LNPEP: variants seen among roughly 807,000 people sequenced by gnomAD.
LNPEP encodes the protein leucyl-cystinyl aminopeptidase.
LNPEP carries 64 observed loss-of-function variants against 120.6 expected under a neutral mutation model. That is an observed-to-expected ratio of 0.53 (90% CI 0.43 to 0.65). The LOEUF is 0.65. Among genes scored for constraint, LNPEP ranks in the 30% least tolerant of loss-of-function variants. The pLI, the probability that LNPEP is intolerant of heterozygous loss-of-function variation, is 0.00. For missense variants in LNPEP, 1,057 were observed against 1,200.0 expected (o/e 0.88, Z 1.76); for synonymous variants, 435 against 425.4 (o/e 1.02, Z -0.28).
intron 1 of LNPEP, among the ~76,000 whole-genome samples, chr5:96,952,722 C>T (rs912582685): frequency 6.6e-6 from 1 of 152,100 alleles, no homozygotes; most frequent in Admixed American, 6.5e-5. Context: ...ATTTTTATCC[C>T]CATTTTTTTT....
In LNPEP at chr5:96,991,202, C is replaced by T. The variant is rs542978471; in HGVS notation, c.1132-1813C>T. 2.2e-4 allele frequency among the ~76,000 whole-genome samples: 34 copies of T among 152,288 alleles called. 1 individual carries two copies. Among genetic ancestry groups the T allele is most frequent in the African/African-American group, 7.0e-4 (29 of 41,568 alleles). The stretch of plus-strand genomic sequence containing the variant: ...CCTGAGTTACTTTACTTAGAATAAT[C>T]GTCCCCAATTCCATCCAGGTTGCTG... On this transcript the variant is annotated intron_variant, in intron 4 of 17. Coordinates refer to ENST00000231368, the MANE Select transcript of LNPEP (RefSeq NM_005575.3).
chr5:96,939,960 A>T (rs1038076994), intron 1 of LNPEP, among the ~76,000 whole-genome samples: 6 of 152,208 alleles, frequency 3.9e-5, no homozygotes, highest in Non-Finnish European at 8.8e-5. Flanking sequence ...ATAAATTTCC[A>T]CATTGAAAGA....
chr5:96,936,100 C>A lies in LNPEP; in HGVS notation c.-56C>A. ...TGCTCAGTCAGCTGGGCCGCCTCAG[C>A]TCTCGGAGTAGGAAGCTCGGGCGCT... On this transcript the variant is annotated 5_prime_UTR_variant, in exon 1 of 18. Coordinates refer to ENST00000231368, the MANE Select transcript of LNPEP (RefSeq NM_005575.3). The A allele has an allele frequency of 6.6e-7, 1 of 1,514,010 alleles. No individual in the cohort carries two copies. The highest frequency in any genetic ancestry group is 1.2e-5 in the South Asian group (1 of 82,648). The allele number at this position is 1,514,010 out of a possible 1,614,324, so 93.8% of individuals were successfully genotyped here.
intron 14 of LNPEP, 88 bp from the exon 15 acceptor site, chr5:97,024,433 A>G: frequency 8.0e-7 from 1 of 1,247,242 alleles, no homozygotes; most frequent in East Asian, 2.3e-5. Flanking sequence ...ACCAACCCTC[A>G]CACCAGAAAC....
At chr5:97,017,770 A>T (rs780844018) in intron 13 of LNPEP, among the ~76,000 whole-genome samples, 4 of 152,166 alleles carry the variant, frequency 2.6e-5, no homozygotes, top group Non-Finnish European at 5.9e-5. Context: ...TGCAAACTTG[A>T]TGTCTTAAAA....
chr5:97,005,505 A>T (rs1790758470), intron 9 of LNPEP, among the ~76,000 whole-genome samples: 1 of 152,140 alleles, frequency 6.6e-6, no homozygotes, highest in East Asian at 1.9e-4. Flanking sequence ...TTCTAGAAAG[A>T]CTTAAGGCAA....
intron 1 of LNPEP, among the ~76,000 whole-genome samples, chr5:96,977,819 T>C (rs768775267): frequency 7.2e-5 from 11 of 152,168 alleles, no homozygotes; most frequent in Non-Finnish European, 1.3e-4. Flanking sequence ...AGCAACTTCA[T>C]TGCCAGGTAT....
Position 97,031,925 on chromosome 5 carries a change from G to A in LNPEP, c.*3392G>A, listed in dbSNP as rs1161336287. 1 of 152,058 alleles carries A rather than the reference G, an allele frequency of 6.6e-6. No individual in the cohort carries two copies. The highest frequency in any genetic ancestry group is 2.4e-5 in the African/African-American group (1 of 41,414). The allele number at this position is 152,058 out of a possible 1,614,324, so 9.4% of individuals were successfully genotyped here. On this transcript the variant is annotated 3_prime_UTR_variant, in exon 18 of 18. Transcript: ENST00000231368. ...AAAAAAAGAGTTAAGTGTTGATTTTGTTGGATTACTGACAGTTTGTTGAGA... is the reference window on the plus strand; with the variant it reads ...AAAAAAAGAGTTAAGTGTTGATTTTATTGGATTACTGACAGTTTGTTGAGA...
chr5:97,027,949 A>G, intron 17 of LNPEP, 135 bp downstream of exon 17: 1 of 633,168 alleles, frequency 1.6e-6, no homozygotes, highest in African/African-American at 1.8e-5. Context: ...ATCAGTACTA[A>G]TGATTCTGCA....
chr5:97,005,697 A>G (rs745329526), intron 9 of LNPEP, among the ~76,000 whole-genome samples: 13 of 152,202 alleles, frequency 8.5e-5, no homozygotes, highest in Non-Finnish European at 1.3e-4. Flanking sequence ...CATTATTCAT[A>G]TCTTGTAGAT....
chr5:96,959,655 G>A (rs1331863421), intron 1 of LNPEP, among the ~76,000 whole-genome samples: 1 of 152,144 alleles, frequency 6.6e-6, no homozygotes, highest in Non-Finnish European at 1.5e-5. Flanking sequence ...TGACATTTTA[G>A]TAGATATGAT....
chr5:96,945,478 A>C (rs922451314), intron 1 of LNPEP, among the ~76,000 whole-genome samples: 1 of 151,910 alleles, frequency 6.6e-6, no homozygotes, highest in African/African-American at 2.4e-5. Flanking sequence ...ACAGCTTTGC[A>C]GGGCCATTTC....
intron 1 of LNPEP, among the ~76,000 whole-genome samples, chr5:96,961,176 A>C (rs1397337538): frequency 6.6e-6 from 1 of 152,178 alleles, no homozygotes; most frequent in African/African-American, 2.4e-5. Context: ...TTCACCTTTC[A>C]AAAACAAAAC....
chr5:96,938,752 A>G (rs1788982160), intron 1 of LNPEP, among the ~76,000 whole-genome samples: 2 of 152,182 alleles, frequency 1.3e-5, no homozygotes, highest in African/African-American at 4.8e-5. Flanking sequence ...ATAAGGATGG[A>G]TCTTAGTGCT....
Position 97,024,657 on chromosome 5 carries a change from T to A in LNPEP, c.2698T>A (p.Ser900Thr). 6.2e-7 allele frequency: 1 copy of A among 1,613,916 alleles called. No homozygotes were observed. The highest frequency in any genetic ancestry group is 1.1e-5 in the South Asian group (1 of 91,060). Residue 900 changes from serine to threonine, a missense_variant, in exon 15 of 18, where the codon TCA (serine) becomes ACA (threonine). By Grantham distance (58) the Ser-to-Thr change is moderately conservative. Coordinates refer to ENST00000231368, the MANE Select transcript of LNPEP (RefSeq NM_005575.3). ...CAAAATACTAGAAGCACTTGCCAGC[T>A]CAGAGGATGTGCGGAAGCTTTACTG... ...KNKILEALAS[S>T]EDVRKLYWLM...
intron 13 of LNPEP, among the ~76,000 whole-genome samples, chr5:97,022,059 G>A (rs1195103607): frequency 6.7e-6 from 1 of 149,654 alleles, no homozygotes; most frequent in Non-Finnish European, 1.5e-5. Flanking sequence ...AGCCTCCTGA[G>A]TAGCTGGGAT....
At chr5:96,972,136 C>T (rs961394854) in intron 1 of LNPEP, among the ~76,000 whole-genome samples, 2 of 152,126 alleles carry the variant, frequency 1.3e-5, no homozygotes, top group African/African-American at 2.4e-5. Context: ...AGCTTAGTTA[C>T]TGGCTGATCA....
chr5:96,997,903 A>T, intron 7 of LNPEP, 111 bp from the exon 8 acceptor site: 1 of 732,816 alleles, frequency 1.4e-6, no homozygotes, highest in South Asian at 2.2e-5. Flanking sequence ...GACACTGGTC[A>T]TTTTTTCCTA....
chr5:96,943,349 C>T (rs13170029), intron 1 of LNPEP, among the ~76,000 whole-genome samples: 61,188 of 151,950 alleles, frequency 0.4, 12,396 homozygotes, highest in Non-Finnish European at 0.43. Context: ...AGTGCAGTGG[C>T]ACGGCCACAG....
Sources: gnomAD v4.1 joint callset for allele counts (sites outside exome capture counted in the v4.1 genomes callset) on GRCh38, gnomAD v4.1.1 for gene constraint, MANE v1.5 for transcripts, NCBI Gene and HGNC (gene_info 2026-07-23, HGNC 2026-07-21) for gene names.